The following TPD52 variants were observed in gnomAD, a reference collection of about 807,000 sequenced individuals.
TPD52 encodes the protein tumor protein D52, also known as prostate and colon associated protein.
Under a neutral mutation model 31.3 loss-of-function variants are expected in TPD52, and 17 were observed. The observed-to-expected ratio is 0.54, with a 90% confidence interval of 0.37 to 0.82. TPD52 has a LOEUF of 0.82. Among genes scored for constraint, TPD52 ranks in the 40% least tolerant of loss-of-function variants. The pLI is 0.00. For missense variants in TPD52, 212 were observed against 240.1 expected, an observed-to-expected ratio of 0.88 and a Z score of 0.77; for synonymous variants, 83 against 89.6, an observed-to-expected ratio of 0.93 and a Z score of 0.42.
intron 1 of TPD52, among the ~76,000 whole-genome samples, chr8:80,137,133 C>G (rs1324061037): frequency 6.6e-6 from 1 of 152,010 alleles, no homozygotes; most frequent in Non-Finnish European, 1.5e-5. Flanking sequence ...CAAAATGGAC[C>G]ACAGGTTGCT....
At chr8:80,149,368 T>C (rs1235645484) in intron 1 of TPD52, among the ~76,000 whole-genome samples, 1 of 152,246 alleles carries the variant, frequency 6.6e-6, no homozygotes, top group Non-Finnish European at 1.5e-5. Context: ...ACCATGATTG[T>C]GAGGCCTCCC....
intron 1 of TPD52, among the ~76,000 whole-genome samples, chr8:80,094,430 T>TTATATATATATATATATA (rs61266725): frequency 1.9e-5 from 1 of 53,710 alleles, no homozygotes; most frequent in Non-Finnish European, 4.3e-5. Context: ...AAAGAAAATT[T>TTATATATATATATATATA]TATATATATA....
chr8:80,135,372 A>G (rs185237685), intron 1 of TPD52, among the ~76,000 whole-genome samples: 5 of 152,052 alleles, frequency 3.3e-5, no homozygotes, highest in Admixed American at 2.0e-4. Context: ...CAACCTCAAC[A>G]AAGTTTTATC....
At chr8:80,157,271 TA>T (rs34910647) in intron 1 of TPD52, among the ~76,000 whole-genome samples, 266 of 144,770 alleles carry the variant, frequency 1.8e-3, no homozygotes, top group Middle Eastern at 7.1e-3. Flanking sequence ...TCTTGAAGGC[TA>T]AAAAAAAAAA....
chr8:80,155,440 G>T (rs955777038), intron 1 of TPD52, among the ~76,000 whole-genome samples: 1 of 152,146 alleles, frequency 6.6e-6, no homozygotes, highest in South Asian at 2.1e-4. Context: ...AACCAGGTAG[G>T]GGGTGTCATG....
Position 80,060,699 on chromosome 8 carries a change from T to C in TPD52, c.135+3779A>G, listed in dbSNP as rs554884977. On this transcript the variant is annotated intron_variant, in intron 2 of 7. Transcript: ENST00000518937. ...ACCAGTGTTATATACCACATTAATA[T>C]AGTAAAGGGGAAAAACACAATCATT... 2.9e-4 allele frequency among the ~76,000 whole-genome samples: 44 copies of C among 149,848 alleles called. No individual in the cohort carries two copies. In the South Asian group the frequency reaches 8.4e-3, roughly 28 times the overall value.
chr8:80,096,525 A>T (rs915842038), intron 1 of TPD52, among the ~76,000 whole-genome samples: 3 of 152,186 alleles, frequency 2.0e-5, no homozygotes, highest in Admixed American at 1.3e-4. Context: ...CACTGTGTCC[A>T]GAAAGTCTAT....
chr8:80,123,484 G>A (rs906463712), intron 1 of TPD52, among the ~76,000 whole-genome samples: 1 of 152,182 alleles, frequency 6.6e-6, no homozygotes, highest in Non-Finnish European at 1.5e-5. Context: ...CCCAACAGTT[G>A]GGAGGCCAAG....
intron 7 of TPD52, 132 bp downstream of exon 7, chr8:80,042,488 T>A (rs1810483287): frequency 6.9e-7 from 1 of 1,447,954 alleles, no homozygotes. Context: ...ACTAGTAACA[T>A]AAGGAGTAAA....
chr8:80,056,310 A>G (rs1811883072), intron 2 of TPD52, among the ~76,000 whole-genome samples: 1 of 152,240 alleles, frequency 6.6e-6, no homozygotes, highest in Non-Finnish European at 1.5e-5. Flanking sequence ...GTGGACGCCA[A>G]GAAAAAACTC....
intron 1 of TPD52, among the ~76,000 whole-genome samples, chr8:80,152,441 C>A (rs1212799356): frequency 6.6e-6 from 1 of 152,138 alleles, no homozygotes; most frequent in East Asian, 1.9e-4. Flanking sequence ...CATTTAATAT[C>A]CAAAAGAGTA....
chr8:80,113,493 G>T (rs938280210), intron 1 of TPD52, among the ~76,000 whole-genome samples: 8 of 152,064 alleles, frequency 5.3e-5, no homozygotes, highest in Non-Finnish European at 1.2e-4. Flanking sequence ...GTTTACTGCA[G>T]CACTATTCAC....
chr8:80,108,026 A>G (rs1429915393), intron 1 of TPD52, among the ~76,000 whole-genome samples: 1 of 152,216 alleles, frequency 6.6e-6, no homozygotes, highest in Non-Finnish European at 1.5e-5. Flanking sequence ...TGATTTGTCA[A>G]GAAAAATTAA....
intron 1 of TPD52, among the ~76,000 whole-genome samples, chr8:80,124,164 C>G (rs990367784): frequency 1.9e-5 from 2 of 108,034 alleles, no homozygotes; most frequent in African/African-American, 9.1e-5. Flanking sequence ...TTCTCTCTCT[C>G]TCTTTTTGTT....
chr8:80,134,499 C>A (rs1267172875), intron 1 of TPD52, among the ~76,000 whole-genome samples: 1 of 152,208 alleles, frequency 6.6e-6, no homozygotes, highest in Non-Finnish European at 1.5e-5. Context: ...GTCATGCAGG[C>A]CACTGTCTTC....
At chr8:80,041,197 C>T (rs987809168) in intron 7 of TPD52, among the ~76,000 whole-genome samples, 1 of 152,088 alleles carries the variant, frequency 6.6e-6, no homozygotes, top group Non-Finnish European at 1.5e-5. Flanking sequence ...ATGTAGATGA[C>T]AGGTTGATGG....
chr8:80,101,603 A>C (rs2130931648), intron 1 of TPD52, among the ~76,000 whole-genome samples: 1 of 152,312 alleles, frequency 6.6e-6, no homozygotes. Context: ...GCATGGCACC[A>C]GCATCTGCTT....
At chr8:80,077,051 C>T (rs756218735) in intron 1 of TPD52, among the ~76,000 whole-genome samples, 29 of 151,782 alleles carry the variant, frequency 1.9e-4, no homozygotes, top group Non-Finnish European at 3.2e-4. Context: ...CCGAGGCAGG[C>T]GGATCACGAG....
intron 1 of TPD52, among the ~76,000 whole-genome samples, chr8:80,129,856 C>G (rs994842041): frequency 6.6e-6 from 1 of 152,084 alleles, no homozygotes; most frequent in South Asian, 2.1e-4. Flanking sequence ...CACGCCACCA[C>G]ACCCAGCTAA....
Sources: allele counts gnomAD v4.1 joint callset (sites outside exome capture counted in the v4.1 genomes callset), GRCh38; gene constraint gnomAD v4.1.1; transcripts MANE v1.5; gene names NCBI Gene and HGNC (gene_info 2026-07-23, HGNC 2026-07-21).